The following FADS1 variants were observed in gnomAD, a reference collection of about 807,000 sequenced individuals.
The protein encoded by FADS1 is acyl-CoA (8-3)-desaturase.
FADS1 carries 17 observed loss-of-function variants against 61.6 expected under a neutral mutation model. The ratio of observed to expected loss-of-function variants is 0.28; its 90% CI spans 0.19 to 0.41. FADS1 has a LOEUF of 0.41. Ranked by LOEUF, FADS1 falls within the 10% of genes least tolerant of loss-of-function variation. FADS1 has a pLI of 1.00. For missense variants in FADS1, 387 were observed against 650.9 expected (o/e 0.59, Z 4.41); for synonymous variants, 238 against 258.7 (o/e 0.92, Z 0.77).
At position 61,815,265 on chromosome 11, in the gene FADS1, T is replaced by G. The variant is rs1222294829; in HGVS notation, c.375+1290A>C. ...GGCCCCAAATCACACTGCGGGAAGCTCCAGCGTTGGTGCCTGTTTCGTCTG... is the reference window on the plus strand; with the variant it reads ...GGCCCCAAATCACACTGCGGGAAGCGCCAGCGTTGGTGCCTGTTTCGTCTG... On this transcript the variant is annotated intron_variant, in intron 1 of 11. Coordinates refer to ENST00000350997, the MANE Select transcript of FADS1 (RefSeq NM_013402.7). The surrounding 1 kb of genome is among the most constrained non-coding windows in gnomAD (Gnocchi z 6.4). 1 of 166,708 alleles carries G rather than the reference T, an allele frequency of 6.0e-6. No homozygotes were observed. Among genetic ancestry groups the G allele is most frequent in the Admixed American group, 6.5e-5 (1 of 15,296 alleles). The allele number at this position is 166,708 out of a possible 1,614,324, so 10.3% of individuals were successfully genotyped here. A position where few individuals can be genotyped will look rare whatever the true frequency, so the allele number is the denominator to read the frequency against.
rs1591154138 is a variant in FADS1 at position 61,812,552 on chromosome 11, A to C, written c.603T>G (p.Gly201=). The C allele has an allele frequency of 6.2e-7, 1 of 1,614,178 alleles. No homozygotes were observed. Among genetic ancestry groups the C allele is most frequent in the Non-Finnish European group, 8.5e-7 (1 of 1,180,032 alleles). ...AGACCCAAAGGGTGAGCCAGGCTGCACCATCCAGCAGCAAGATGTGCAGCA... is the reference window on the plus strand; with the variant it reads ...AGACCCAAAGGGTGAGCCAGGCTGCCCCATCCAGCAGCAAGATGTGCAGCA... ...LYLLHILLLD[G]AAWLTLWVFG... Residue 201 remains glycine (G), a synonymous_variant, in exon 3 of 12, where the codon GGT becomes GGG. Coordinates refer to ENST00000350997, the MANE Select transcript of FADS1 (RefSeq NM_013402.7).
chr11:61,804,453 A>G (rs904347227), intron 7 of FADS1: 74 of 511,460 alleles, frequency 1.4e-4, no homozygotes, highest in Middle Eastern at 5.0e-4. Flanking sequence ...TATGCCCAGT[A>G]CAAGAACCTC....
rs373050256 is a variant in FADS1, at chr11:61,802,507, G to A, written c.1455-45C>T. On this transcript the variant is annotated intron_variant, in intron 11 of 11. Transcript: ENST00000350997. The surrounding 1 kb of genome is among the most constrained non-coding windows in gnomAD (Gnocchi z 4.2). ...GCAGACAGTGAGGGAGACAAGCAGA[G>A]TTGAACCCACCGGAGATGGAGCAGT... 2 of 1,526,636 alleles carry A rather than the reference G, an allele frequency of 1.3e-6. No individual in the cohort carries two copies. Among genetic ancestry groups the A allele is most frequent in the Non-Finnish European group, 1.8e-6 (2 of 1,123,884 alleles). 94.6% of individuals were successfully genotyped at this position (1,526,636 alleles called of 1,614,324 possible). A position where few individuals can be genotyped will look rare whatever the true frequency, so the allele number is the denominator to read the frequency against.
intron 4 of FADS1, 31 bp downstream of exon 4, chr11:61,810,943 G>C: frequency 6.2e-7 from 1 of 1,614,106 alleles, no homozygotes; most frequent in Non-Finnish European, 8.5e-7. Flanking sequence ...ATTGCCTGGA[G>C]TTTTAGAGAG....
rs879645114 is a variant in FADS1 at position 61,803,190 on chromosome 11, T to A, written c.1249-79A>T. 167 of 1,418,866 alleles carry A rather than the reference T, an allele frequency of 1.2e-4. No individual in the cohort carries two copies. The highest frequency in any genetic ancestry group is 1.7e-4 in the Middle Eastern group (1 of 5,724). The allele number at this position is 1,418,866 out of a possible 1,614,324, so 87.9% of individuals were successfully genotyped here. On this transcript the variant is annotated intron_variant, in intron 9 of 11. Coordinates refer to ENST00000350997, the MANE Select transcript of FADS1 (RefSeq NM_013402.7). This position sits in a 1 kb window ranked among gnomAD's most constrained non-coding sequence, Gnocchi z 4.3. ...CCAGCATTCTCCAGGTAAAGCTGGC[T>A]GAGGAAGGGACATGAGACTGTCTTG... is the stretch of plus-strand genomic sequence containing the variant.
At chr11:61,808,496 C>T (rs1184558027) in intron 5 of FADS1, among the ~76,000 whole-genome samples, 12 of 152,300 alleles carry the variant, frequency 7.9e-5, no homozygotes, top group African/African-American at 1.2e-4. Flanking sequence ...ATGACATCCA[C>T]GTCAGTGCCT....
chr11:61,810,824 T>G lies in FADS1; in HGVS notation c.842A>C (p.Asn281Thr). The G allele has an allele frequency of 6.2e-7, 1 of 1,614,162 alleles. No individual in the cohort carries two copies. The highest frequency in any genetic ancestry group is 8.5e-7 in the Non-Finnish European group (1 of 1,180,020). Residue 281 changes from asparagine to threonine, a missense_variant, in exon 5 of 12, where the codon AAC becomes ACC. Physicochemically the swap from Asn to Thr is moderately conservative, Grantham distance 65 (BLOSUM62 0). This residue lies in a region of FADS1 where 257 missense variants were observed against 533.3 expected (regional missense o/e 0.48). Coordinates refer to ENST00000350997, the MANE Select transcript of FADS1 (RefSeq NM_013402.7). ...GATGTCTGGGTCTTTGCGGAAGCAG[T>G]TGGGCTTGGCATGGTGCTGGAAGTG... is the stretch of plus-strand genomic sequence containing the variant. ...HMHFQHHAKP[N>T]CFRKDPDINM...
Position 61,803,641 on chromosome 11 carries a change from A to T in FADS1, c.1151+29T>A. ...GTCACTCCCCAACATTTCCTTCACC[A>T]GTCCCTATCCGCCCCCACCGAATAC... On this transcript the variant is annotated intron_variant, in intron 8 of 11. Coordinates refer to ENST00000350997, the MANE Select transcript of FADS1 (RefSeq NM_013402.7). The surrounding 1 kb of genome is among the most constrained non-coding windows in gnomAD (Gnocchi z 4.3). The T allele has an allele frequency of 6.4e-7, 1 of 1,565,016 alleles. No homozygotes were observed. Among genetic ancestry groups the T allele is most frequent in the Non-Finnish European group, 8.8e-7 (1 of 1,135,246 alleles).
rs1380296979 is a variant in FADS1, at chr11:61,813,270, C to T, written c.459G>A (p.Glu153=). 1 of 1,611,310 alleles carries T rather than the reference C, an allele frequency of 6.2e-7. No homozygotes were observed. Among genetic ancestry groups the T allele is most frequent in the East Asian group, 2.2e-5 (1 of 44,856 alleles). ...TCTTGGTGGGCTCAAAGCTGGGCTG[C>T]TCTGGAGACAGTTCTCCAATCAGGA... The part of the protein sequence containing the change: ...NSLLIGELSP[E]QPSFEPTKNK... The change falls in exon 2 of 12, where the codon GAG becomes GAA. Residue 153 remains glutamate (E), a synonymous_variant. Coordinates refer to ENST00000350997, the MANE Select transcript of FADS1 (RefSeq NM_013402.7).
chr11:61,802,612 G>A lies in FADS1; in HGVS notation c.1455-150C>T. The A allele has an allele frequency of 8.2e-7, 1 of 1,214,130 alleles. No homozygotes were observed. The highest frequency in any genetic ancestry group is 1.2e-6 in the Non-Finnish European group (1 of 853,178). 75.2% of individuals were successfully genotyped at this position (1,214,130 alleles called of 1,614,324 possible). On this transcript the variant is annotated intron_variant, in intron 11 of 11. Transcript: ENST00000350997. The surrounding 1 kb of genome is among the most constrained non-coding windows in gnomAD (Gnocchi z 4.2). ...GCTAGCTTGGGCCATGGTACTGAGG[G>A]GAACCCCAATGAGGGCAAAGGCCTG...
Position 61,804,769 on chromosome 11 carries a change from G to A in FADS1, c.977-8C>T, listed in dbSNP as rs891011505. On this transcript the variant is annotated splice_polypyrimidine_tract_variant and splice_region_variant and intron_variant, in intron 6 of 11. Transcript: ENST00000350997. ...GCAAGGCTGGGGGCCCAACTGGGGA[G>A]GAAACCGAGACAAAGAGGAGGCATG... 2 of 1,612,982 alleles carry A rather than the reference G, an allele frequency of 1.2e-6. No homozygotes were observed. Among genetic ancestry groups the A allele is most frequent in the African/African-American group, 2.7e-5 (2 of 74,920 alleles).
At chr11:61,811,364 G>A (rs570079443) in intron 3 of FADS1, among the ~76,000 whole-genome samples, 2 of 152,096 alleles carry the variant, frequency 1.3e-5, no homozygotes, top group East Asian at 3.9e-4. Context: ...GTGCAATGGT[G>A]CGGTTTCAGA....
intron 5 of FADS1, among the ~76,000 whole-genome samples, chr11:61,807,594 T>G (rs2066902438): frequency 2.0e-5 from 3 of 152,206 alleles, no homozygotes; most frequent in Admixed American, 6.5e-5. Context: ...TCCAGCAGTT[T>G]TCCCCAGTAG....
chr11:61,813,510 G>A (rs1488317983), intron 1 of FADS1, 157 bp from the exon 2 acceptor site: 2 of 604,084 alleles, frequency 3.3e-6, no homozygotes, highest in African/African-American at 3.7e-5. Context: ...GTGCAGACTT[G>A]GAGAACTTTT....
chr11:61,809,496 C>A (rs568977293), intron 5 of FADS1, among the ~76,000 whole-genome samples: 1 of 152,334 alleles, frequency 6.6e-6, no homozygotes, highest in South Asian at 2.1e-4. Flanking sequence ...CACATGCCAA[C>A]TGCGTCCCTT....
Position 61,816,119 on chromosome 11 carries a change from G to A in FADS1, c.375+436C>T. 2.8e-6 allele frequency: 2 copies of A among 725,102 alleles called. No individual in the cohort carries two copies. The highest frequency in any genetic ancestry group is 2.2e-6 in the Non-Finnish European group (1 of 451,090). The allele number at this position is 725,102 out of a possible 1,614,324, so 44.9% of individuals were successfully genotyped here. On this transcript the variant is annotated intron_variant, in intron 1 of 11. Coordinates refer to ENST00000350997, the MANE Select transcript of FADS1 (RefSeq NM_013402.7). The surrounding 1 kb of genome is among the most constrained non-coding windows in gnomAD (Gnocchi z 7.0). ...GAGACCGGCACCTAGGTCCAGACGCGGCTGCGCTGCCTCTCCTAGCCATCG... is the reference window on the plus strand; with the variant it reads ...GAGACCGGCACCTAGGTCCAGACGCAGCTGCGCTGCCTCTCCTAGCCATCG...
At chr11:61,806,966 G>T (rs2066899126) in intron 5 of FADS1, among the ~76,000 whole-genome samples, 1 of 152,252 alleles carries the variant, frequency 6.6e-6, no homozygotes. Flanking sequence ...CATGAGGGAT[G>T]TGCACAGCAC....
Position 61,816,478 on chromosome 11 carries a change from G to C in FADS1, c.375+77C>G. 2.5e-6 allele frequency: 4 copies of C among 1,601,064 alleles called. No homozygotes were observed. In the Admixed American group the frequency reaches 6.7e-5, roughly 27 times the overall value. ...CTCCGAATTAGTCGGTGTTTGGCTC[G>C]GAGTGCGTAACTCTGTCTCCCCTGC... On this transcript the variant is annotated intron_variant, in intron 1 of 11. Coordinates refer to ENST00000350997, the MANE Select transcript of FADS1 (RefSeq NM_013402.7). This position sits in a 1 kb window ranked among gnomAD's most constrained non-coding sequence, Gnocchi z 7.0.
intron 7 of FADS1, 155 bp downstream of exon 7, chr11:61,804,530 G>A (rs980153917): frequency 3.1e-5 from 19 of 621,824 alleles, no homozygotes; most frequent in Middle Eastern, 4.3e-4. Context: ...AAATCATTTC[G>A]TCCCACTTAG....
Sources: gnomAD v4.1 joint callset for allele counts (sites outside exome capture counted in the v4.1 genomes callset) on GRCh38, gnomAD v4.1.1 for gene constraint, gnomAD v4.1.1 regional missense constraint, Gnocchi (gnomAD v3.1) non-coding constraint, MANE v1.5 for transcripts, NCBI Gene and HGNC (gene_info 2026-07-23, HGNC 2026-07-21) for gene names.